FMO5: variants seen among roughly 807,000 people sequenced by gnomAD.
FMO5 encodes the protein flavin containing dimethylaniline monoxygenase 5.
FMO5 carries 51 observed loss-of-function variants against 43.6 expected under a neutral mutation model. The observed-to-expected ratio is 1.17, with a 90% CI of 0.93 to 1.48. The LOEUF is 1.48. Among genes scored for constraint, FMO5 ranks in the 40% most tolerant of loss-of-function variants. FMO5 has a pLI of 0.00. For missense variants in FMO5, 644 were observed against 643.0 expected, an observed-to-expected ratio of 1.00 and a Z score of -0.02; for synonymous variants, 187 against 216.5, an observed-to-expected ratio of 0.86 and a Z score of 1.20.
intron 7 of FMO5, among the ~76,000 whole-genome samples, chr1:147,196,354 ATACTCAAAATAAG>A (rs1553919813): frequency 6.6e-5 from 10 of 152,106 alleles, no homozygotes; most frequent in Admixed American, 5.2e-4. Flanking sequence ...GTCTCTTCGG[ATACTCAAAATAAG>A]CGTTTTGAGA....
intron 7 of FMO5, among the ~76,000 whole-genome samples, chr1:147,190,930 G>A (rs1015561810): frequency 2.6e-5 from 4 of 151,892 alleles, no homozygotes; most frequent in African/African-American, 4.8e-5. Context: ...GAGAACATGC[G>A]GTGTTTGGTT....
At chr1:147,205,033 T>A in intron 6 of FMO5, 1 of 707,164 alleles carries the variant, frequency 1.4e-6, no homozygotes, top group Non-Finnish European at 2.5e-6. Context: ...CAGTCACTCT[T>A]CCATCTTTGC....
chr1:147,206,477 G>A (rs1341697663), intron 6 of FMO5, among the ~76,000 whole-genome samples: 6 of 152,192 alleles, frequency 3.9e-5, no homozygotes, highest in East Asian at 1.9e-4. Flanking sequence ...TGTTTATTGC[G>A]GCACTATTCA....
In FMO5 at chr1:147,187,192, T is replaced by C; in HGVS notation, c.1310A>G (p.Glu437Gly). The C allele has an allele frequency of 6.2e-7, 1 of 1,614,090 alleles. No homozygotes were observed. The highest frequency in any genetic ancestry group is 8.5e-7 in the Non-Finnish European group (1 of 1,179,998). ...GACCCCCACCAAATCAGCAAGCTCT[T>C]CCATGGTATCTATGTAGTCTCCCTG... ...TIQGDYIDTM[E>G]ELADLVGVRP... The change falls in exon 9 of 9, where the codon GAA becomes GGA. Residue 437 changes from glutamate to glycine, a missense_variant. Coordinates refer to ENST00000254090, the MANE Select transcript of FMO5 (RefSeq NM_001461.4).
chr1:147,209,290 T>A (rs1660677143), intron 5 of FMO5, among the ~76,000 whole-genome samples: 1 of 151,842 alleles, frequency 6.6e-6, no homozygotes, highest in South Asian at 2.1e-4. Context: ...TACAAAAAAT[T>A]AGCCAGGCGT....
At chr1:147,191,223 G>A (rs587676346) in intron 7 of FMO5, among the ~76,000 whole-genome samples, 2 of 152,198 alleles carry the variant, frequency 1.3e-5, no homozygotes, top group South Asian at 4.2e-4. Context: ...TGGGTCAAAT[G>A]GTACTTCCAG....
intron 2 of FMO5, among the ~76,000 whole-genome samples, chr1:147,217,592 AG>A (rs1323057535): frequency 1.3e-5 from 2 of 152,222 alleles, no homozygotes; most frequent in East Asian, 3.8e-4. Context: ...TATTCAATCT[AG>A]GAATCCTAAA....
chr1:147,207,875 G>T (rs1288500476), intron 6 of FMO5, among the ~76,000 whole-genome samples: 2 of 152,134 alleles, frequency 1.3e-5, no homozygotes, highest in Non-Finnish European at 2.9e-5. Flanking sequence ...GGAGGTAATG[G>T]TATGGGGATC....
chr1:147,224,514 T>A lies in FMO5; in HGVS notation c.135+381A>T, dbSNP rs28381173. On this transcript the variant is annotated intron_variant, in intron 2 of 8. Transcript: ENST00000254090. Reference sequence around the variant, plus strand: ...TATAATAAGTTTAACTATCTTTTTTTAATTTTTTTCCTTGAGACGGAGTCT... The same window carrying A: ...TATAATAAGTTTAACTATCTTTTTTAAATTTTTTTCCTTGAGACGGAGTCT... Among the ~76,000 whole-genome samples the A allele has an allele frequency of 6.9e-3, 1,055 of 152,214 alleles. 4 individuals are homozygous for A. Among genetic ancestry groups the A allele is most frequent in the Admixed American group, 0.01 (160 of 15,282 alleles).
At chr1:147,206,656 C>T (rs1301927876) in intron 6 of FMO5, among the ~76,000 whole-genome samples, 6 of 152,022 alleles carry the variant, frequency 3.9e-5, no homozygotes, top group African/African-American at 1.4e-4. Flanking sequence ...AGCAAACTAT[C>T]GCAAGGACAA....
intron 4 of FMO5, 132 bp downstream of exon 4, chr1:147,213,176 G>T: frequency 1.3e-6 from 1 of 761,864 alleles, no homozygotes; most frequent in Non-Finnish European, 1.9e-6. Flanking sequence ...CATCCTTCTG[G>T]GGAACAAGAA....
intron 6 of FMO5, among the ~76,000 whole-genome samples, chr1:147,205,600 G>A (rs1659850905): frequency 6.6e-6 from 1 of 152,116 alleles, no homozygotes; most frequent in African/African-American, 2.4e-5. Context: ...AGAGCCCTCA[G>A]AAATAATACC....
intron 7 of FMO5, among the ~76,000 whole-genome samples, chr1:147,193,194 A>T (rs1657244294): frequency 6.6e-6 from 1 of 152,062 alleles, no homozygotes; most frequent in Non-Finnish European, 1.5e-5. Flanking sequence ...AGAGCCTGTT[A>T]TTGGTCTATT....
In FMO5 at chr1:147,186,283, GA is replaced by G; in HGVS notation, c.*616del. 9.3e-6 allele frequency: 9 copies of G among 972,834 alleles called. No homozygotes were observed. Among genetic ancestry groups the G allele is most frequent in the Non-Finnish European group, 1.1e-5 (9 of 818,594 alleles). 60.3% of individuals were successfully genotyped at this position (972,834 alleles called of 1,614,324 possible). ...AAGTTGAAAGTAATTTCTTTATTGA[GA>G]AAATAAAGACATGGTTCCTAAGGAA... On this transcript the variant is annotated 3_prime_UTR_variant, in exon 9 of 9. Transcript: ENST00000254090.
upstream of FMO5, among the ~76,000 whole-genome samples, chr1:147,227,248 T>C (rs936717811): frequency 1.3e-5 from 2 of 152,320 alleles, no homozygotes; most frequent in Non-Finnish European, 2.9e-5. Flanking sequence ...ACACAACCAT[T>C]TTATATGCTA....
chr1:147,190,148 C>A (rs782756418), intron 8 of FMO5, 29 bp downstream of exon 8: 26 of 1,402,336 alleles, frequency 1.9e-5, no homozygotes, highest in Non-Finnish European at 2.5e-5. Context: ...AGAAATGTAA[C>A]CATATATCTT....
chr1:147,223,846 G>T, intron 2 of FMO5: 1 of 303,000 alleles, frequency 3.3e-6, no homozygotes, highest in Non-Finnish European at 6.3e-6. Context: ...TGCTTACGCG[G>T]GCCCACAAGC....
chr1:147,221,494 G>C (rs1394480655), intron 2 of FMO5, among the ~76,000 whole-genome samples: 4 of 152,154 alleles, frequency 2.6e-5, no homozygotes, highest in Non-Finnish European at 5.9e-5. Context: ...GTAAATTAAT[G>C]AATGGCAAGG....
At chr1:147,214,612 T>G (rs1327720749) in intron 3 of FMO5, among the ~76,000 whole-genome samples, 1 of 152,138 alleles carries the variant, frequency 6.6e-6, no homozygotes, top group Non-Finnish European at 1.5e-5. Flanking sequence ...CTACTCATCC[T>G]TCAAGACTCA....
Sources: allele counts gnomAD v4.1 joint callset (sites outside exome capture counted in the v4.1 genomes callset), GRCh38; gene constraint gnomAD v4.1.1; transcripts MANE v1.5; gene names NCBI Gene and HGNC (gene_info 2026-07-23, HGNC 2026-07-21).